Variants in FPGS observed in about 807,000 individuals in gnomAD.
FPGS encodes folylpolyglutamate synthase, mitochondrial.
A neutral mutation model predicts 66.5 loss-of-function variants in FPGS; 53 were observed. That is an observed-to-expected ratio of 0.80 (90% CI 0.64 to 1.00). The LOEUF (loss-of-function observed/expected upper bound fraction) is 1.00, where lower values mean the gene tolerates loss of function less well. FPGS is among the 50% of genes least tolerant of loss of function. The pLI is 0.00. For synonymous variants in FPGS, 348 were observed against 350.9 expected (o/e 0.99, Z 0.09); for missense variants, 702 against 807.7 (o/e 0.87, Z 1.59).
downstream of FPGS, chr9:127,814,226 G>A: frequency 1.1e-6 from 1 of 890,808 alleles, no homozygotes; most frequent in Non-Finnish European, 1.3e-6. Flanking sequence ...TCTGTGAGAT[G>A]AGAAGAAGAC....
chr9:127,803,226 C>G (rs963584482), intron 1 of FPGS, 164 bp downstream of exon 1: 63 of 1,249,736 alleles, frequency 5.0e-5, no homozygotes, highest in Non-Finnish European at 5.7e-5. Context: ...GGGACAGGGA[C>G]CAGGAAGTTG....
At chr9:127,814,272 C>A, downstream of FPGS, 1 of 426,586 alleles carries the variant, frequency 2.3e-6, no homozygotes, top group Non-Finnish European at 3.1e-6. Flanking sequence ...CCAGGCAGTG[C>A]TTTCTGCAGA....
chr9:127,804,560 G>A lies in FPGS; in HGVS notation c.321+8G>A, dbSNP rs368246059. ...ACTGGGACGAAGGGGAAGGTGAGGG[G>A]CAGGACCCTGGGGTAGGGGGTCTAT... On this transcript the variant is annotated splice_region_variant and intron_variant, in intron 3 of 14. Coordinates refer to ENST00000373247, the MANE Select transcript of FPGS (RefSeq NM_004957.6). 2.5e-6 allele frequency: 4 copies of A among 1,614,078 alleles called. No individual in the cohort carries two copies. Among genetic ancestry groups the A allele is most frequent in the African/African-American group, 2.7e-5 (2 of 74,940 alleles).
chr9:127,809,665 C>T lies in FPGS; in HGVS notation c.1061-19C>T. 6.3e-7 allele frequency: 1 copy of T among 1,578,880 alleles called. No homozygotes were observed. The highest frequency in any genetic ancestry group is 1.1e-5 in the South Asian group (1 of 88,570). ...GGGTGGGAGAGGGCCTGGAGGACTG[C>T]CTTGCTGCCCTCCCCCAGGGCTTCG... On this transcript the variant is annotated intron_variant, in intron 11 of 14. Transcript: ENST00000373247.
chr9:127,813,140 CCT>C (rs1830153842), intron 14 of FPGS, 53 bp from the exon 15 acceptor site: 8 of 1,513,452 alleles, frequency 5.3e-6, no homozygotes, highest in East Asian at 2.3e-5. Context: ...TTTCTCCACC[CCT>C]GTCCCTTACT....
intron 13 of FPGS, among the ~76,000 whole-genome samples, chr9:127,810,341 C>G (rs1027793808): frequency 6.6e-6 from 1 of 152,122 alleles, no homozygotes; most frequent in Non-Finnish European, 1.5e-5. Flanking sequence ...AGGGCCAGAT[C>G]GTGGCTAAAG....
In FPGS at chr9:127,813,332, G is replaced by T. The variant is rs750428981; in HGVS notation, c.1492G>T (p.Ala498Ser). The T allele has an allele frequency of 3.1e-6, 5 of 1,612,760 alleles. No homozygotes were observed. In the East Asian group the frequency reaches 8.9e-5, roughly 29 times the overall value. The change falls in exon 15 of 15, where the codon GCA becomes TCA. Residue 498 changes from alanine (A) to serine (S), a missense_variant. Ala to Ser is a moderately conservative substitution (Grantham distance 99). This residue lies in a region of FPGS where 351 missense variants were observed against 363.7 expected (regional missense o/e 0.97). Coordinates refer to ENST00000373247, the MANE Select transcript of FPGS (RefSeq NM_004957.6). ...SAPSPEPGGS[A>S]SLLLAPHPPH... ...CCCCAGCCCAGAGCCCGGTGGGTCCGCATCCCTGCTTCTGGCGCCCCACCC... is the reference window on the plus strand; with the variant it reads ...CCCCAGCCCAGAGCCCGGTGGGTCCTCATCCCTGCTTCTGGCGCCCCACCC...
rs200706232 is a variant in FPGS, at chr9:127,804,295, G to A, written c.149G>A (p.Arg50His). 30 of 1,613,976 alleles carry A rather than the reference G, an allele frequency of 1.9e-5. No homozygotes were observed. Among genetic ancestry groups the A allele is most frequent in the African/African-American group, 4.0e-5 (3 of 74,940 alleles). The change falls in exon 2 of 15, where the codon CGC (arginine) becomes CAC (histidine). Residue 50 changes from arginine (R) to histidine (H), a missense_variant. This residue lies in a region of FPGS where 111 missense variants were observed against 95.4 expected (regional missense o/e 1.16). Coordinates refer to ENST00000373247, the MANE Select transcript of FPGS (RefSeq NM_004957.6). ...CACTGTGGTTGCCAGGATGCCGTGC[G>A]CATGCTCAATACCCTGCAGACCAAT... ...EPSMEYQDAV[R>H]MLNTLQTNAG... is the part of the protein sequence containing the mutation.
rs1335395848 is a variant in FPGS, at chr9:127,810,069, G to A, written c.1250G>A (p.Gly417Glu). 1 of 1,613,292 alleles carries A rather than the reference G, an allele frequency of 6.2e-7. No individual in the cohort carries two copies. Among genetic ancestry groups the A allele is most frequent in the Non-Finnish European group, 8.5e-7 (1 of 1,179,842 alleles). ...CGAGTCTTGCTCTTCAATGCTACCG[G>A]GGACCGGGACCCGGCGGCCCTGCTG... ...EVRVLLFNAT[G>E]DRDPAALLKL... Residue 417 changes from glycine to glutamate, a missense_variant, in exon 13 of 15, where the codon GGG becomes GAG. By Grantham distance (98) the Gly-to-Glu change is moderately conservative. Coordinates refer to ENST00000373247, the MANE Select transcript of FPGS (RefSeq NM_004957.6).
chr9:127,808,946 A>ATTT (rs543518198), intron 11 of FPGS, 57 bp downstream of exon 11: 312 of 887,866 alleles, frequency 3.5e-4, no homozygotes, highest in African/African-American at 2.8e-3. Context: ...GCCCCTTCAG[A>ATTT]TTTTTTTTTT....
At chr9:127,813,158 T>C (rs1830156100) in intron 14 of FPGS, 37 bp from the exon 15 acceptor site, 1 of 1,524,738 alleles carries the variant, frequency 6.6e-7, no homozygotes, top group Non-Finnish European at 8.8e-7. Context: ...TTACTCCCTC[T>C]CCCCTTCGCT....
At chr9:127,804,900 T>C (rs1829750075) in intron 4 of FPGS, 200 bp downstream of exon 4, 1 of 584,232 alleles carries the variant, frequency 1.7e-6, no homozygotes, top group East Asian at 2.9e-5. Context: ...ATTTTTTTTT[T>C]TTTTTTGAGA....
At chr9:127,806,942 G>A (rs1330365230) in intron 4 of FPGS, 31 bp from the exon 5 acceptor site, 1 of 1,545,004 alleles carries the variant, frequency 6.5e-7, no homozygotes, top group Non-Finnish European at 8.9e-7. Context: ...GCTCGGGAAG[G>A]GAGTCCTGAT....
rs993181344 is a variant in FPGS, at chr9:127,802,977, C to T, written c.53C>T (p.Ser18Phe). ...LRAALFLAAA[S>F]ARGITTQVAA... Reference sequence around the variant, plus strand: ...GCCGCTCTATTCCTGGCAGCGGCGTCTGCGCGCGGCATAACGACCCAGGTC... The same window carrying T: ...GCCGCTCTATTCCTGGCAGCGGCGTTTGCGCGCGGCATAACGACCCAGGTC... Residue 18 changes from serine (S) to phenylalanine (F), a missense_variant, in exon 1 of 15, where the codon TCT (serine) becomes TTT (phenylalanine). Coordinates refer to ENST00000373247, the MANE Select transcript of FPGS (RefSeq NM_004957.6). 13 of 1,461,176 alleles carry T rather than the reference C, an allele frequency of 8.9e-6. 1 individual carries two copies. Among genetic ancestry groups the T allele is most frequent in the Middle Eastern group, 2.4e-4 (1 of 4,184 alleles). The allele number at this position is 1,461,176 out of a possible 1,614,324, so 90.5% of individuals were successfully genotyped here.
chr9:127,804,224 T>C, intron 1 of FPGS, 61 bp from the exon 2 acceptor site: 1 of 1,581,806 alleles, frequency 6.3e-7, no homozygotes, highest in Non-Finnish European at 8.6e-7. Flanking sequence ...CTGCTGGCTG[T>C]CTCTGTGCCT....
intron 8 of FPGS, 199 bp from the exon 9 acceptor site, chr9:127,808,035 G>A (rs1202867686): frequency 1.0e-5 from 6 of 586,960 alleles, no homozygotes; most frequent in East Asian, 5.7e-5. Flanking sequence ...GAACCCGGGA[G>A]GCAGACGTTG....
Position 127,809,795 on chromosome 9 carries a change from G to A in FPGS, c.1172G>A (p.Trp391Ter). The A allele has an allele frequency of 6.6e-7, 1 of 1,525,562 alleles. No homozygotes were observed. The highest frequency in any genetic ancestry group is 8.7e-7 in the Non-Finnish European group (1 of 1,149,196). 94.5% of individuals were successfully genotyped at this position (1,525,562 alleles called of 1,614,324 possible). ...TASSAQACVR[W>*]FRQALQGRER... ...AGCAGCGCGCAGGCCTGCGTGCGCT[G>A]GTTCCGCCAGGCGCTGCAGGGCCGC... The change falls in exon 12 of 15, where the codon TGG becomes TAG. Residue 391 changes from tryptophan to a stop codon, truncating the protein, a stop_gained. Coordinates refer to ENST00000373247, the MANE Select transcript of FPGS (RefSeq NM_004957.6). LOFTEE classifies it high-confidence loss of function.
In FPGS at chr9:127,807,896, C is replaced by G; in HGVS notation, c.744+208C>G. The stretch of plus-strand genomic sequence containing the variant: ...CGAGGTGAGAGGATCACCTGAGATC[C>G]GGAGTTTGAGACCAGCCTGACCAAT... On this transcript the variant is annotated intron_variant, in intron 8 of 14. Coordinates refer to ENST00000373247, the MANE Select transcript of FPGS (RefSeq NM_004957.6). The surrounding 1 kb of genome is among the most constrained non-coding windows in gnomAD (Gnocchi z 5.8). The G allele has an allele frequency of 1.7e-6, 1 of 572,416 alleles. No homozygotes were observed. Among genetic ancestry groups the G allele is most frequent in the East Asian group, 2.9e-5 (1 of 34,018 alleles). 35.5% of individuals were successfully genotyped at this position (572,416 alleles called of 1,614,324 possible).
Position 127,813,224 on chromosome 9 carries a change from C to T in FPGS, c.1384C>T (p.Gln462Ter). ...ACAGAACTTCACAGTGACACTGGAC[C>T]AGGTCCTGCTCCGCTGCCTGGAACA... is the stretch of plus-strand genomic sequence containing the variant. ...DQQNFTVTLD[Q>*]VLLRCLEHQQ... The change falls in exon 15 of 15, where the codon CAG becomes TAG. Residue 462 changes from glutamine to a stop codon, truncating the protein, a stop_gained. Coordinates refer to ENST00000373247, the MANE Select transcript of FPGS (RefSeq NM_004957.6). LOFTEE classifies it low-confidence loss of function (END_TRUNC). The T allele has an allele frequency of 6.2e-7, 1 of 1,600,130 alleles. No individual in the cohort carries two copies. The highest frequency in any genetic ancestry group is 1.7e-5 in the Admixed American group (1 of 58,750).
Sources: allele counts gnomAD v4.1 joint callset (sites outside exome capture counted in the v4.1 genomes callset), GRCh38; gene constraint gnomAD v4.1.1; regional missense constraint gnomAD v4.1.1; non-coding constraint Gnocchi (gnomAD v3.1); transcripts MANE v1.5; gene names NCBI Gene and HGNC (gene_info 2026-07-23, HGNC 2026-07-21).